The following RAI14 variants were observed in gnomAD, a reference collection of about 807,000 sequenced individuals.
RAI14 encodes ankycorbin.
Under a neutral mutation model 115.4 loss-of-function variants are expected in RAI14, and 45 were observed. The ratio of observed to expected loss-of-function variants is 0.39; its 90% CI spans 0.31 to 0.50. The LOEUF is 0.50. Among genes scored for constraint, RAI14 ranks in the 20% least tolerant of loss-of-function variants. The probability of loss-of-function intolerance (pLI) is 0.85; values close to 1 mark genes in which losing one functional copy is unlikely to be tolerated. For synonymous variants in RAI14, 371 were observed against 415.4 expected (o/e 0.89, Z 1.30); for missense variants, 939 against 1,131.2 (o/e 0.83, Z 2.44).
At chr5:34,811,139 A>C in intron 8 of RAI14, 21 bp downstream of exon 8, 1 of 1,610,914 alleles carries the variant, frequency 6.2e-7, no homozygotes, top group Non-Finnish European at 8.5e-7. Context: ...ATTAGGCAGA[A>C]ATCATGTGAC....
At chr5:34,766,282 C>T (rs934281095) in intron 3 of RAI14, among the ~76,000 whole-genome samples, 1 of 152,146 alleles carries the variant, frequency 6.6e-6, no homozygotes, top group African/African-American at 2.4e-5. Flanking sequence ...ACAGCTTGCA[C>T]CATTCACCTG....
At chr5:34,662,514 T>C (rs1327903869) in intron 1 of RAI14, among the ~76,000 whole-genome samples, 17 of 152,104 alleles carry the variant, frequency 1.1e-4, no homozygotes. Flanking sequence ...CAGTGAACTA[T>C]ATTAGGTATA....
At chr5:34,706,530 C>T (rs184431997) in intron 2 of RAI14, among the ~76,000 whole-genome samples, 24 of 152,302 alleles carry the variant, frequency 1.6e-4, no homozygotes, top group African/African-American at 5.5e-4. Context: ...TTCATGTTAA[C>T]ATTTGAAAAT....
chr5:34,699,012 C>A (rs1739704643), intron 2 of RAI14, among the ~76,000 whole-genome samples: 1 of 152,236 alleles, frequency 6.6e-6, no homozygotes, highest in Middle Eastern at 3.4e-3. Flanking sequence ...GCCGTGCCAG[C>A]CAAGTGTGAG....
At chr5:34,744,295 A>T (rs927093696) in intron 2 of RAI14, among the ~76,000 whole-genome samples, 1 of 152,148 alleles carries the variant, frequency 6.6e-6, no homozygotes, top group Non-Finnish European at 1.5e-5. Flanking sequence ...TTTTCCGCAA[A>T]AGCTTGCTAT....
rs1353859808 is a variant in RAI14 at position 34,824,340 on chromosome 5, G to C, written c.2498G>C (p.Arg833Thr). Reference sequence around the variant, plus strand: ...AGAAGTGAGGTCTCACAGGTGAAAAGAGAAAAGGAAAATATTCAGACTCTC... The same window carrying C: ...AGAAGTGAGGTCTCACAGGTGAAAACAGAAAAGGAAAATATTCAGACTCTC... ...QIRSEVSQVKREKENIQTLLK... is the reference protein window; with the variant it reads ...QIRSEVSQVKTEKENIQTLLK... Residue 833 changes from arginine (R) to threonine (T), a missense_variant, in exon 15 of 18, where the codon AGA (arginine) becomes ACA (threonine). Arg to Thr is a moderately conservative substitution (Grantham distance 71). Coordinates refer to ENST00000265109, the MANE Select transcript of RAI14 (RefSeq NM_015577.3). 1.2e-6 allele frequency: 2 copies of C among 1,613,924 alleles called. No homozygotes were observed. The highest frequency in any genetic ancestry group is 1.7e-6 in the Non-Finnish European group (2 of 1,179,826).
chr5:34,666,339 C>T (rs1389789177), intron 1 of RAI14, among the ~76,000 whole-genome samples: 1 of 151,932 alleles, frequency 6.6e-6, no homozygotes, highest in Non-Finnish European at 1.5e-5. Context: ...TCCCAGGCAC[C>T]TCCTGACAGT....
At chr5:34,663,887 G>T (rs1742896908) in intron 1 of RAI14, among the ~76,000 whole-genome samples, 2 of 152,318 alleles carry the variant, frequency 1.3e-5, no homozygotes, top group South Asian at 4.1e-4. Context: ...TGTCTTGATT[G>T]ATTCACCAGC....
At chr5:34,811,971 T>C in intron 9 of RAI14, 26 bp downstream of exon 9, 1 of 1,571,232 alleles carries the variant, frequency 6.4e-7, no homozygotes, top group Non-Finnish European at 8.7e-7. Context: ...TAGCCAATGT[T>C]GTTTTAAGTT....
intron 1 of RAI14, among the ~76,000 whole-genome samples, chr5:34,683,732 C>CTTTTTTTTTTT (rs1336465132): frequency 7.6e-5 from 11 of 144,218 alleles, no homozygotes; most frequent in African/African-American, 2.8e-4. Flanking sequence ...CGATTCCCAC[C>CTTTTTTTTTTT]TTTTTTTTTT....
intron 2 of RAI14, chr5:34,733,320 G>T (rs559535402): frequency 6.6e-6 from 1 of 152,310 alleles, no homozygotes; most frequent in East Asian, 1.9e-4. Context: ...AACAAGCCAG[G>T]ATCTGAGCCC....
At position 34,656,450 on chromosome 5, in the gene RAI14, G is replaced by C. The variant is rs1352931475; in HGVS notation, c.-74G>C. 1 of 152,204 alleles carries C rather than the reference G, an allele frequency of 6.6e-6. No homozygotes were observed. Among genetic ancestry groups the C allele is most frequent in the Non-Finnish European group, 1.5e-5 (1 of 68,094 alleles). 9.4% of individuals were successfully genotyped at this position (152,204 alleles called of 1,614,324 possible). On this transcript the variant is annotated 5_prime_UTR_variant, in exon 1 of 18. Transcript: ENST00000265109. ...GGGGTGGAGCAGCCAGCTGGGTCCG[G>C]GGAGCGCCGCCGCCGCCTCGATGGG...
At chr5:34,778,063 G>C in intron 3 of RAI14, among the ~76,000 whole-genome samples, 1 of 152,140 alleles carries the variant, frequency 6.6e-6, no homozygotes, top group East Asian at 1.9e-4. Context: ...TATCCCAAAT[G>C]CTCTGACCTG....
intron 3 of RAI14, among the ~76,000 whole-genome samples, chr5:34,776,803 T>TCAAAAAAAAAAAGCAACAA (rs1279080501): frequency 6.9e-6 from 1 of 144,874 alleles, no homozygotes; most frequent in Non-Finnish European, 1.5e-5. Context: ...TGAGACCCTT[T>TCAAAAAAAAAAAGCAACAA]ATTAAAAAAA....
At position 34,664,022 on chromosome 5, in the gene RAI14, C is replaced by T. The variant is rs1011464642; in HGVS notation, c.-49+7547C>T. Among the ~76,000 whole-genome samples, 27 of 152,008 alleles carry T rather than the reference C, an allele frequency of 1.8e-4. 1 individual carries two copies. The highest frequency in any genetic ancestry group is 7.4e-5 in the Non-Finnish European group (5 of 68,026). ...ATAATTCCATGACCATATGTCACAC[C>T]GGGGCAAGGGGACACCTTTGGGAAG... On this transcript the variant is annotated intron_variant, in intron 1 of 17. Transcript: ENST00000265109.
intron 1 of RAI14, among the ~76,000 whole-genome samples, chr5:34,680,903 T>G (rs1744336740): frequency 6.6e-6 from 1 of 152,356 alleles, no homozygotes; most frequent in South Asian, 2.1e-4. Context: ...TCATATAAGC[T>G]GAGTGTTTGT....
chr5:34,676,386 A>C (rs256295), intron 1 of RAI14, among the ~76,000 whole-genome samples: 108,180 of 152,068 alleles, frequency 0.71, 41,323 homozygotes, highest in South Asian at 0.93. Context: ...AGCATTTTAG[A>C]GATCATCTTA....
At chr5:34,776,853 C>T (rs1181011498) in intron 3 of RAI14, among the ~76,000 whole-genome samples, 1 of 151,054 alleles carries the variant, frequency 6.6e-6, no homozygotes. Flanking sequence ...TATATACCTA[C>T]TATCTTCCCA....
intron 3 of RAI14, among the ~76,000 whole-genome samples, chr5:34,771,916 T>C (rs1004289085): frequency 2.0e-5 from 3 of 152,180 alleles, no homozygotes; most frequent in Non-Finnish European, 2.9e-5. Flanking sequence ...TTTTTGTTTT[T>C]TTGGGACAGG....
Sources: allele counts gnomAD v4.1 joint callset (sites outside exome capture counted in the v4.1 genomes callset), GRCh38; gene constraint gnomAD v4.1.1; transcripts MANE v1.5; gene names NCBI Gene and HGNC (gene_info 2026-07-23, HGNC 2026-07-21).